The following SCEL variants were observed in gnomAD, a reference collection of about 807,000 sequenced individuals.
SCEL encodes sciellin.
SCEL carries 113 observed loss-of-function variants against 117.6 expected under a neutral mutation model. That is an observed-to-expected ratio of 0.96 (90% CI 0.83 to 1.12). The LOEUF is 1.12. Ranked by LOEUF, SCEL falls within the 50% of genes most tolerant of loss-of-function variation. The pLI, the probability that SCEL is intolerant of heterozygous loss-of-function variation, is 0.00. For missense variants in SCEL, 785 were observed against 810.8 expected (o/e 0.97, Z 0.39); for synonymous variants, 270 against 256.2 (o/e 1.05, Z -0.51).
intron 27 of SCEL, among the ~76,000 whole-genome samples, chr13:77,623,872 T>G (rs943242175): frequency 2.6e-5 from 4 of 152,264 alleles, no homozygotes; most frequent in Non-Finnish European, 5.9e-5. Flanking sequence ...AATCACGTTG[T>G]GAGGGTAGAA....
chr13:77,634,552 T>C (rs754868219), intron 29 of SCEL, 102 bp downstream of exon 29: 8 of 742,732 alleles, frequency 1.1e-5, no homozygotes, highest in African/African-American at 3.5e-5. Flanking sequence ...TTCTTTCAAA[T>C]AGAAGACCGT....
At chr13:77,604,872 T>C (rs2088017952) in intron 19 of SCEL, among the ~76,000 whole-genome samples, 1 of 152,084 alleles carries the variant, frequency 6.6e-6, no homozygotes, top group Non-Finnish European at 1.5e-5. Context: ...TATAAATGCG[T>C]GTGTGTATAA....
rs531282097 is a variant in SCEL, at chr13:77,620,216, A to G, written c.1628+2156A>G. On this transcript the variant is annotated intron_variant, in intron 27 of 32. Coordinates refer to ENST00000349847, the MANE Select transcript of SCEL (RefSeq NM_144777.3). ...AAGAATTATCACAAAGCAGACAAAC[A>G]GGAAAGACTGAACCATCTATTTGAA... 3.9e-5 allele frequency among the ~76,000 whole-genome samples: 6 copies of G among 152,222 alleles called. No homozygotes were observed. The East Asian group carries it at 9.6e-4, about 24-fold the overall frequency.
At chr13:77,542,941 G>C (rs2083786382) in intron 1 of SCEL, among the ~76,000 whole-genome samples, 1 of 152,130 alleles carries the variant, frequency 6.6e-6, no homozygotes, top group South Asian at 2.1e-4. Context: ...GAAACAAGTA[G>C]TGGTGGGGTT....
intron 9 of SCEL, among the ~76,000 whole-genome samples, chr13:77,578,952 C>T (rs192766838): frequency 6.6e-6 from 1 of 152,164 alleles, no homozygotes; most frequent in African/African-American, 2.4e-5. Flanking sequence ...AGTGAAGATA[C>T]CTGTTGAGAA....
chr13:77,610,280 G>A (rs2088552931), intron 22 of SCEL, among the ~76,000 whole-genome samples, 174 bp downstream of exon 22: 1 of 151,886 alleles, frequency 6.6e-6, no homozygotes, highest in Non-Finnish European at 1.5e-5. Flanking sequence ...GTGAAACCCT[G>A]TCTCTACTAA....
intron 22 of SCEL, among the ~76,000 whole-genome samples, chr13:77,612,466 T>C (rs929171781): frequency 1.7e-4 from 11 of 66,546 alleles, no homozygotes; most frequent in African/African-American, 2.0e-4. Context: ...CTTTTTTTTT[T>C]TTTTTTTTTT....
intron 28 of SCEL, among the ~76,000 whole-genome samples, chr13:77,630,062 G>C (rs897577463): frequency 6.6e-6 from 1 of 152,150 alleles, no homozygotes; most frequent in African/African-American, 2.4e-5. Flanking sequence ...GGGGAAAACA[G>C]GTTTTGGTTT....
At chr13:77,585,669 C>A (rs1048426048) in intron 9 of SCEL, among the ~76,000 whole-genome samples, 1 of 152,014 alleles carries the variant, frequency 6.6e-6, no homozygotes, top group African/African-American at 2.4e-5. Context: ...TTTCCATAGA[C>A]CCTCATTGAA....
intron 3 of SCEL, among the ~76,000 whole-genome samples, chr13:77,557,757 A>G (rs1307464208): frequency 6.6e-6 from 1 of 152,190 alleles, no homozygotes; most frequent in Non-Finnish European, 1.5e-5. Context: ...ATGCTGGTAA[A>G]CATCCTATAA....
At chr13:77,565,885 A>T (rs1056994242) in intron 5 of SCEL, among the ~76,000 whole-genome samples, 1 of 152,162 alleles carries the variant, frequency 6.6e-6, no homozygotes, top group African/African-American at 2.4e-5. Flanking sequence ...TGAAAGTATA[A>T]CTTCTCCTTC....
At chr13:77,553,506 C>T (rs1011901364) in intron 1 of SCEL, among the ~76,000 whole-genome samples, 4 of 152,180 alleles carry the variant, frequency 2.6e-5, no homozygotes, top group Non-Finnish European at 4.4e-5. Context: ...AGACACACTG[C>T]CAGACAGAGG....
chr13:77,566,114 A>G (rs969912620), intron 5 of SCEL, among the ~76,000 whole-genome samples: 7 of 152,210 alleles, frequency 4.6e-5, no homozygotes, highest in African/African-American at 1.7e-4. Context: ...TTCCCCGGGT[A>G]GCATGATAGA....
rs373560219 is a variant in SCEL, at chr13:77,556,663, A to G, written c.111A>G (p.Arg37=). 2 of 1,614,002 alleles carry G rather than the reference A, an allele frequency of 1.2e-6. No individual in the cohort carries two copies. The highest frequency in any genetic ancestry group is 1.3e-5 in the African/African-American group (1 of 74,914). ...QQDFHEVNKR[R]TFLQDNSWIK... is the part of the protein sequence containing the mutation. ...ATTTTCACGAGGTGAACAAAAGAAG[A>G]ACTTTCTTACAGGATAACAGTTGGA... is the stretch of plus-strand genomic sequence containing the variant. The change falls in exon 3 of 33, where the codon AGA becomes AGG. Residue 37 remains arginine (R), a synonymous_variant. Coordinates refer to ENST00000349847, the MANE Select transcript of SCEL (RefSeq NM_144777.3).
chr13:77,573,638 C>CATCTATCT lies in SCEL; in HGVS notation c.545+1486_545+1493dup, dbSNP rs10565753. Among the ~76,000 whole-genome samples the CATCTATCT allele has an allele frequency of 5.9e-3, 889 of 149,870 alleles. 2 individuals carry two copies. The highest frequency in any genetic ancestry group is 7.1e-3 in the African/African-American group (290 of 40,774). ...GTTGCTTTTTTTATATCTGTCATTA[C>CATCTATCT]ATCTATCTATCTATCTATCTATCTA... On this transcript the variant is annotated intron_variant, in intron 9 of 32. Transcript: ENST00000349847.
intron 4 of SCEL, among the ~76,000 whole-genome samples, chr13:77,562,879 T>G (rs890205492): frequency 2.0e-5 from 3 of 152,232 alleles, no homozygotes; most frequent in Non-Finnish European, 4.4e-5. Context: ...TAGTATCTAG[T>G]CTTAGTACTT....
At chr13:77,557,263 T>C (rs1309073270) in intron 3 of SCEL, among the ~76,000 whole-genome samples, 1 of 152,238 alleles carries the variant, frequency 6.6e-6, no homozygotes, top group Non-Finnish European at 1.5e-5. Flanking sequence ...TTTTGAGCAT[T>C]GCTTCTACTA....
At chr13:77,614,001 C>T (rs749864112) in intron 24 of SCEL, 46 bp downstream of exon 24, 1 of 1,395,502 alleles carries the variant, frequency 7.2e-7, no homozygotes, top group Non-Finnish European at 1.0e-6. Flanking sequence ...TTAAGTAAAC[C>T]CAAAATTAAT....
chr13:77,537,911 A>C (rs2083491493), intron 1 of SCEL, among the ~76,000 whole-genome samples: 1 of 152,174 alleles, frequency 6.6e-6, no homozygotes, highest in Non-Finnish European at 1.5e-5. Context: ...CTTAAGAGTG[A>C]GGGGATAAAA....
Sources: allele counts gnomAD v4.1 joint callset (sites outside exome capture counted in the v4.1 genomes callset), GRCh38; gene constraint gnomAD v4.1.1; transcripts MANE v1.5; gene names NCBI Gene and HGNC (gene_info 2026-07-23, HGNC 2026-07-21).